Variants in NEDD4L observed in about 807,000 individuals in gnomAD.
The protein encoded by NEDD4L is NEDD4 like E3 ubiquitin protein ligase.
In NEDD4L, 54 loss-of-function variants were observed where a neutral mutation model predicts 148.9. The ratio of observed to expected loss-of-function variants is 0.36; its 90% CI spans 0.29 to 0.45. The LOEUF is 0.45. Ranked by LOEUF, NEDD4L falls within the 20% of genes least tolerant of loss-of-function variation. NEDD4L has a pLI of 1.00. For missense variants in NEDD4L, 856 were observed against 1,233.8 expected (o/e 0.69, Z 4.59); for synonymous variants, 433 against 440.7 (o/e 0.98, Z 0.22).
intron 16 of NEDD4L, among the ~76,000 whole-genome samples, chr18:58,344,719 CT>C (rs57973002): frequency 6.6e-6 from 1 of 151,186 alleles, no homozygotes; most frequent in African/African-American, 2.4e-5. Context: ...TAATGGAGTT[CT>C]TTTTTTTTAT....
chr18:58,291,613 G>C (rs765058123), intron 5 of NEDD4L, among the ~76,000 whole-genome samples: 1 of 152,142 alleles, frequency 6.6e-6, no homozygotes, highest in Non-Finnish European at 1.5e-5. Flanking sequence ...ATTTTTGCCT[G>C]TAAGACAATC....
In NEDD4L at chr18:58,144,727, G is replaced by A. The variant is rs1392371328; in HGVS notation, c.49-21061G>A. Reference sequence around the variant, plus strand: ...ATAAAAATTACCCACAGTCTCCCTCGCGTGTACCGCACAGTTCATGTTTTA... The same window carrying A: ...ATAAAAATTACCCACAGTCTCCCTCACGTGTACCGCACAGTTCATGTTTTA... On this transcript the variant is annotated intron_variant, in intron 1 of 30. Transcript: ENST00000400345. Among the ~76,000 whole-genome samples, 9 of 152,036 alleles carry A rather than the reference G, an allele frequency of 5.9e-5. No individual in the cohort carries two copies. In the East Asian group the frequency reaches 7.7e-4, roughly 13 times the overall value.
intron 10 of NEDD4L, among the ~76,000 whole-genome samples, chr18:58,330,121 C>G (rs1456189546): frequency 2.0e-5 from 3 of 152,170 alleles, no homozygotes; most frequent in African/African-American, 7.2e-5. Context: ...CTTACCAGCT[C>G]TGTTTATGTA....
chr18:58,274,378 T>C (rs1179472560), intron 5 of NEDD4L, among the ~76,000 whole-genome samples: 1 of 152,220 alleles, frequency 6.6e-6, no homozygotes, highest in Non-Finnish European at 1.5e-5. Flanking sequence ...TGCCTCCGCC[T>C]GTACGTGAGC....
chr18:58,357,471 T>A, intron 19 of NEDD4L: 1 of 689,902 alleles, frequency 1.4e-6, no homozygotes, highest in East Asian at 2.8e-5. Context: ...GAAAACAGCT[T>A]GATAACGACA....
At chr18:58,213,184 T>C (rs773667352) in intron 2 of NEDD4L, among the ~76,000 whole-genome samples, 27 of 152,218 alleles carry the variant, frequency 1.8e-4, no homozygotes, top group Non-Finnish European at 3.5e-4. Context: ...GCAATGTATA[T>C]TAAAATAAAA....
chr18:58,125,170 A>T (rs2145872620), intron 1 of NEDD4L, among the ~76,000 whole-genome samples: 1 of 152,268 alleles, frequency 6.6e-6, no homozygotes, highest in Non-Finnish European at 1.5e-5. Context: ...GATTGTGGGG[A>T]TTAGAGGTGT....
At chr18:58,220,988 C>T (rs1418958601) in intron 2 of NEDD4L, among the ~76,000 whole-genome samples, 1 of 152,164 alleles carries the variant, frequency 6.6e-6, no homozygotes, top group African/African-American at 2.4e-5. Flanking sequence ...AACTGGGATG[C>T]ACAGTACAGA....
chr18:58,379,537 G>A (rs1221461150), intron 24 of NEDD4L, among the ~76,000 whole-genome samples: 2 of 152,282 alleles, frequency 1.3e-5, no homozygotes, highest in East Asian at 1.9e-4. Flanking sequence ...ATGAAGGCCC[G>A]CAGGGAATCT....
In NEDD4L at chr18:58,243,528, G is replaced by A. The variant is rs1024272828; in HGVS notation, c.123-1899G>A. Reference sequence around the variant, plus strand: ...CCGGATTGAATTCAGATTTGGGAGCGGGGCCCAGTTATCTGTGTTTTAATC... The same window carrying A: ...CCGGATTGAATTCAGATTTGGGAGCAGGGCCCAGTTATCTGTGTTTTAATC... On this transcript the variant is annotated intron_variant, in intron 2 of 30. Transcript: ENST00000400345. Among the ~76,000 whole-genome samples, 8 of 152,270 alleles carry A rather than the reference G, an allele frequency of 5.3e-5. No homozygotes were observed. In the South Asian group the frequency reaches 1.4e-3, roughly 28 times the overall value.
chr18:58,129,756 C>G (rs1219924722), intron 1 of NEDD4L, among the ~76,000 whole-genome samples: 1 of 151,710 alleles, frequency 6.6e-6, no homozygotes, highest in African/African-American at 2.4e-5. Flanking sequence ...CGGTGTTGGG[C>G]TCTGTTGGGG....
chr18:58,073,699 G>A (rs2083010676), intron 1 of NEDD4L, among the ~76,000 whole-genome samples: 1 of 152,142 alleles, frequency 6.6e-6, no homozygotes, highest in South Asian at 2.1e-4. Context: ...GGAGGCTGGT[G>A]GGAGGGGAGA....
At chr18:58,188,429 G>A (rs1179380440) in intron 2 of NEDD4L, among the ~76,000 whole-genome samples, 1 of 152,198 alleles carries the variant, frequency 6.6e-6, no homozygotes, top group Non-Finnish European at 1.5e-5. Flanking sequence ...CCAGGGTCAG[G>A]AACCACCGAG....
intron 1 of NEDD4L, among the ~76,000 whole-genome samples, chr18:58,084,207 A>T (rs74715759): frequency 1.0e-3 from 155 of 152,320 alleles, no homozygotes; most frequent in African/African-American, 3.5e-3. Flanking sequence ...GAACAGGCAA[A>T]TCCACAGAGA....
At chr18:58,048,834 A>G (rs1182208952) in intron 1 of NEDD4L, among the ~76,000 whole-genome samples, 4 of 152,134 alleles carry the variant, frequency 2.6e-5, no homozygotes, top group African/African-American at 4.8e-5. Context: ...TAGTTGTGCT[A>G]TGGTTGCAGT....
At chr18:58,100,423 T>C (rs1309955105) in intron 1 of NEDD4L, among the ~76,000 whole-genome samples, 1 of 152,334 alleles carries the variant, frequency 6.6e-6, no homozygotes, top group East Asian at 1.9e-4. Context: ...GGTGATAAAT[T>C]GTTTTAGCAA....
At chr18:58,338,006 A>G (rs1378823275) in intron 13 of NEDD4L, among the ~76,000 whole-genome samples, 1 of 152,210 alleles carries the variant, frequency 6.6e-6, no homozygotes, top group African/African-American at 2.4e-5. Flanking sequence ...ACGAGCCACC[A>G]TTACTGGGTT....
intron 5 of NEDD4L, among the ~76,000 whole-genome samples, chr18:58,292,298 C>G (rs1354842110): frequency 6.6e-6 from 1 of 152,200 alleles, no homozygotes; most frequent in African/African-American, 2.4e-5. Context: ...GTGGCTTCCC[C>G]TTTCCCTCCA....
chr18:58,147,818 C>T (rs1049198152), intron 1 of NEDD4L, among the ~76,000 whole-genome samples: 1 of 152,060 alleles, frequency 6.6e-6, no homozygotes, highest in African/African-American at 2.4e-5. Flanking sequence ...ATGCCTGTGA[C>T]CTCTCTTTAC....
Sources: gnomAD v4.1 joint callset for allele counts (sites outside exome capture counted in the v4.1 genomes callset) on GRCh38, gnomAD v4.1.1 for gene constraint, MANE v1.5 for transcripts, NCBI Gene and HGNC (gene_info 2026-07-23, HGNC 2026-07-21) for gene names.